SLC4A4: variants seen among roughly 807,000 people sequenced by gnomAD.
The protein encoded by SLC4A4 is electrogenic sodium bicarbonate cotransporter 1.
In SLC4A4, 27 loss-of-function variants were observed where a neutral mutation model predicts 111.5. The observed-to-expected ratio is 0.24, with a 90% CI of 0.18 to 0.33. The LOEUF is 0.33. Ranked by LOEUF, SLC4A4 falls within the 10% of genes least tolerant of loss-of-function variation. SLC4A4 has a pLI of 1.00. For missense variants in SLC4A4, 909 were observed against 1,315.5 expected (o/e 0.69, Z 4.78); for synonymous variants, 443 against 463.4 (o/e 0.96, Z 0.57).
intron 1 of SLC4A4, among the ~76,000 whole-genome samples, chr4:71,220,167 T>C (rs1246984337): frequency 2.0e-5 from 3 of 152,182 alleles, no homozygotes; most frequent in Non-Finnish European, 2.9e-5. Context: ...GAAGAATCAA[T>C]TGATGAGGCA....
At chr4:71,146,541 A>G (rs886979407) in intron 2 of SLC4A4, among the ~76,000 whole-genome samples, 1 of 152,176 alleles carries the variant, frequency 6.6e-6, no homozygotes, top group Non-Finnish European at 1.5e-5. Flanking sequence ...TAATGTGGAC[A>G]GTGGGGTGTT....
intron 1 of SLC4A4, among the ~76,000 whole-genome samples, chr4:71,217,969 G>T (rs750728580): frequency 6.6e-6 from 1 of 152,214 alleles, no homozygotes; most frequent in Non-Finnish European, 1.5e-5. Flanking sequence ...AACAAATGGA[G>T]AGTGTAGGGA....
At chr4:71,322,966 T>C (rs764779674) in intron 3 of SLC4A4, among the ~76,000 whole-genome samples, 17 of 151,942 alleles carry the variant, frequency 1.1e-4, no homozygotes, top group East Asian at 1.9e-4. Flanking sequence ...TTCAGAACCA[T>C]GGCCAGTCCT....
chr4:71,362,894 C>CAT (rs1730922664), intron 6 of SLC4A4, among the ~76,000 whole-genome samples: 1 of 152,138 alleles, frequency 6.6e-6, no homozygotes, highest in Admixed American at 6.5e-5. Context: ...TGGTCTCCTC[C>CAT]ATATTTGTAG....
chr4:71,228,859 T>C (rs1252035255), intron 1 of SLC4A4, among the ~76,000 whole-genome samples: 2 of 152,228 alleles, frequency 1.3e-5, no homozygotes, highest in Non-Finnish European at 2.9e-5. Context: ...TATAATGTCA[T>C]AACCAGCATA....
rs757730427 is a variant in SLC4A4, at chr4:71,497,549, T to C, written c.2023T>C (p.Ser675Pro). ...DWAFLSKKEC[S>P]KYGGNLVGNN... is the part of the protein sequence containing the mutation. ...GGCATTTTTGTCGAAGAAGGAGTGT[T>C]CAAAATACGGAGGAAACCTCGTCGG... Residue 675 changes from serine (S) to proline (P), a missense_variant, in exon 16 of 26, where the codon TCA (serine) becomes CCA (proline). Coordinates refer to ENST00000264485, the MANE Select transcript of SLC4A4 (RefSeq NM_001098484.3). 3.7e-6 allele frequency: 6 copies of C among 1,613,658 alleles called. No individual in the cohort carries two copies. The East Asian group carries it at 1.3e-4, about 36-fold the overall frequency.
At chr4:71,062,745 T>C (rs1741421453) in exon 1 of SLC4A4, among the ~76,000 whole-genome samples, 1 of 152,226 alleles carries the variant, frequency 6.6e-6, no homozygotes, top group South Asian at 2.1e-4. Context: ...CAGACGACAT[T>C]GCTGAAAAAC....
intron 3 of SLC4A4, among the ~76,000 whole-genome samples, chr4:71,301,797 C>A (rs983722920): frequency 2.0e-5 from 3 of 152,160 alleles, no homozygotes; most frequent in African/African-American, 4.8e-5. Context: ...AGGACAATAG[C>A]GAGCCATCCC....
intron 3 of SLC4A4, among the ~76,000 whole-genome samples, chr4:71,304,765 T>G (rs756465228): frequency 3.9e-5 from 6 of 152,222 alleles, no homozygotes; most frequent in African/African-American, 2.4e-5. Context: ...GTTTTGACCT[T>G]TGTATTTTAG....
chr4:71,246,314 G>A (rs1468595767), intron 2 of SLC4A4, among the ~76,000 whole-genome samples: 2 of 152,162 alleles, frequency 1.3e-5, no homozygotes, highest in African/African-American at 4.8e-5. Context: ...ACTAGGACAA[G>A]GATCCACGTG....
chr4:71,280,023 A>C (rs1364935003), intron 3 of SLC4A4, among the ~76,000 whole-genome samples: 1 of 152,090 alleles, frequency 6.6e-6, no homozygotes. Context: ...TGAACCCCTC[A>C]CCTCAGGTGA....
intron 3 of SLC4A4, among the ~76,000 whole-genome samples, chr4:71,320,255 A>T (rs1727013183): frequency 6.6e-6 from 1 of 151,992 alleles, no homozygotes; most frequent in Non-Finnish European, 1.5e-5. Flanking sequence ...CTACATATCA[A>T]CACTGGGTTG....
intron 7 of SLC4A4, among the ~76,000 whole-genome samples, chr4:71,403,192 G>GA (rs1007402423): frequency 6.6e-6 from 1 of 152,008 alleles, no homozygotes; most frequent in African/African-American, 2.4e-5. Context: ...ATTATTTTAG[G>GA]AAAAAAGGAG....
chr4:71,291,834 A>G (rs1257124259), intron 3 of SLC4A4, among the ~76,000 whole-genome samples: 1 of 152,220 alleles, frequency 6.6e-6, no homozygotes, highest in Non-Finnish European at 1.5e-5. Context: ...TTACTTTATT[A>G]TCAAATTGTG....
At chr4:71,544,319 T>C (rs1348902274) in intron 18 of SLC4A4, among the ~76,000 whole-genome samples, 2 of 151,916 alleles carry the variant, frequency 1.3e-5, no homozygotes, top group African/African-American at 4.8e-5. Flanking sequence ...TAGAGGTTAT[T>C]CCGGGTAGAA....
intron 14 of SLC4A4, among the ~76,000 whole-genome samples, chr4:71,477,041 A>C (rs1728438509): frequency 1.3e-5 from 2 of 151,772 alleles, no homozygotes; most frequent in Admixed American, 1.3e-4. Context: ...AATAATACAC[A>C]ATATCTAATT....
intron 16 of SLC4A4, among the ~76,000 whole-genome samples, chr4:71,503,801 A>T (rs1000220817): frequency 2.0e-5 from 3 of 152,166 alleles, no homozygotes; most frequent in African/African-American, 2.4e-5. Context: ...TATTTTCATG[A>T]TAATAAATAT....
chr4:71,102,495 G>GA (rs1203300313), intron 2 of SLC4A4, among the ~76,000 whole-genome samples: 2 of 152,026 alleles, frequency 1.3e-5, no homozygotes, highest in African/African-American at 2.4e-5. Flanking sequence ...TGAAATGAAG[G>GA]AAAAATGTTA....
At chr4:71,405,147 A>T (rs1230458324) in intron 7 of SLC4A4, among the ~76,000 whole-genome samples, 1 of 152,084 alleles carries the variant, frequency 6.6e-6, no homozygotes, top group Non-Finnish European at 1.5e-5. Context: ...CTATAGTAAC[A>T]TGTTATTATC....
Sources: gnomAD v4.1 joint callset for allele counts (sites outside exome capture counted in the v4.1 genomes callset) on GRCh38, gnomAD v4.1.1 for gene constraint, MANE v1.5 for transcripts, NCBI Gene and HGNC (gene_info 2026-07-23, HGNC 2026-07-21) for gene names.